F9: variants seen among roughly 807,000 people sequenced by gnomAD.
F9 encodes the protein Christmas factor.
In F9, 2 loss-of-function variants were observed where a neutral mutation model predicts 34.1. That is an observed-to-expected ratio of 0.06 (90% confidence interval 0.02 to 0.18). The LOEUF is 0.18. Among genes scored for constraint, F9 ranks in the 10% least tolerant of loss-of-function variants. The pLI, the probability that F9 is intolerant of heterozygous loss-of-function variation, is 1.00. For missense variants in F9, 216 were observed against 345.1 expected (o/e 0.63, Z 2.96); for synonymous variants, 137 against 118.8 (o/e 1.15, Z -1.00).
chrX:139,536,239 GTATATATATGTACACACATATATGTA>G (rs1245196543), intron 1 of F9, among the ~76,000 whole-genome samples: 6 of 90,631 alleles, frequency 6.6e-5, no homozygotes, highest in Non-Finnish European at 9.1e-5. Flanking sequence ...ACACATATAT[GTATATATATGTACACACATATATGTA>G]TATATATATG....
intron 3 of F9, 149 bp from the exon 4 acceptor site, chrX:139,540,927 C>A: frequency 2.7e-6 from 1 of 366,826 alleles, no homozygotes; most frequent in Non-Finnish European, 5.0e-6. Context: ...AAGACAGGAG[C>A]ATCATATGCC....
chrX:139,558,420 A>C (rs1295893463), intron 6 of F9, among the ~76,000 whole-genome samples: 1 of 113,506 alleles, frequency 8.8e-6, no homozygotes, highest in African/African-American at 3.2e-5. Context: ...GGGGATCCTA[A>C]GGACATGTGG....
At chrX:139,546,664 T>C (rs1381643516) in intron 4 of F9, among the ~76,000 whole-genome samples, 1 of 111,724 alleles carries the variant, frequency 9.0e-6, no homozygotes, top group Non-Finnish European at 1.9e-5. Context: ...CATACAAATA[T>C]CAATTGTATG....
rs183143418 is a variant in F9 at position 139,541,466 on chromosome X, G to A, written c.391+277G>A. ...TATGTGGTTAGTACTATCATTATGC[G>A]CATTCTATGCAGATGAGAAAACCGC... On this transcript the variant is annotated intron_variant, in intron 4 of 7. Transcript: ENST00000218099. Among the ~76,000 whole-genome samples the A allele has an allele frequency of 8.1e-5, 9 of 111,364 alleles. No homozygotes were observed. The East Asian group carries it at 8.5e-4, about 11-fold the overall frequency.
chrX:139,542,934 T>G (rs1927636132), intron 4 of F9, among the ~76,000 whole-genome samples: 1 of 111,459 alleles, frequency 9.0e-6, no homozygotes, highest in Non-Finnish European at 1.9e-5. Context: ...GATCAAGGTT[T>G]AGAAAAATAT....
chrX:139,555,538 C>T (rs763714785), intron 6 of F9, among the ~76,000 whole-genome samples: 2 of 112,685 alleles, frequency 1.8e-5, no homozygotes, highest in South Asian at 7.3e-4. Context: ...CGGGCCGGGC[C>T]AGCTTCTAAA....
At chrX:139,560,656 G>T (rs1928075525) in intron 6 of F9, 85 bp from the exon 7 acceptor site, 4 of 639,149 alleles carry the variant, frequency 6.3e-6, no homozygotes, top group Admixed American at 4.5e-5. Context: ...CCAATATTTT[G>T]CCTATTCCTG....
chrX:139,541,825 C>T (rs768382913), intron 4 of F9, among the ~76,000 whole-genome samples: 2 of 111,988 alleles, frequency 1.8e-5, no homozygotes, highest in East Asian at 5.6e-4. Flanking sequence ...ACCTTAGAAT[C>T]CTTGTGTACC....
At chrX:139,533,764 G>A (rs1257878315) in intron 1 of F9, among the ~76,000 whole-genome samples, 4 of 111,388 alleles carry the variant, frequency 3.6e-5, no homozygotes, top group Admixed American at 9.5e-5. Context: ...TGTATGCCCC[G>A]AGAAGTGAGG....
At position 139,541,102 on chromosome X, in the gene F9, T is replaced by C. The variant is rs1603264719; in HGVS notation, c.304T>C (p.Cys102Arg). 8.3e-7 allele frequency: 1 copy of C among 1,198,849 alleles called. No individual in the cohort carries two copies. ...TGGAGATCAGTGTGAGTCCAATCCA[T>C]GTTTAAATGGCGGCAGTTGCAAGGA... ...VDGDQCESNP[C>R]LNGGSCKDDI... is the part of the protein sequence containing the mutation. Residue 102 changes from cysteine to arginine, a missense_variant, in exon 4 of 8, where the codon TGT becomes CGT. Physicochemically the swap from Cys to Arg is radical, Grantham distance 180. This residue lies in a region of F9 where 177 missense variants were observed against 311.8 expected (regional missense o/e 0.57). Transcript: ENST00000218099.
intron 1 of F9, among the ~76,000 whole-genome samples, chrX:139,535,069 G>T (rs2148354709): frequency 9.0e-6 from 1 of 111,547 alleles, no homozygotes; most frequent in South Asian, 3.8e-4. Flanking sequence ...GTTGAAGAGA[G>T]GCCTGGCATG....
At chrX:139,534,510 T>G (rs760094042) in intron 1 of F9, among the ~76,000 whole-genome samples, 1 of 112,064 alleles carries the variant, frequency 8.9e-6, no homozygotes, top group African/African-American at 3.2e-5. Context: ...AGATCAAAAA[T>G]ATTCAAGAAA....
In F9 at chrX:139,561,570, T is replaced by C; in HGVS notation, c.885T>C (p.Asn295=). The change falls in exon 8 of 8, where the codon AAT becomes AAC. Residue 295 remains asparagine (N), a synonymous_variant. Coordinates refer to ENST00000218099, the MANE Select transcript of F9 (RefSeq NM_000133.4). The stretch of plus-strand genomic sequence containing the variant: ...CAGAACATACAGAGCAAAAGCGAAA[T>C]GTGATTCGAATTATTCCTCACCACA... ...EETEHTEQKR[N]VIRIIPHHNY... The C allele has an allele frequency of 1.7e-6, 2 of 1,208,034 alleles. No individual in the cohort carries two copies. Among genetic ancestry groups the C allele is most frequent in the African/African-American group, 3.5e-5 (2 of 57,795 alleles).
chrX:139,553,275 C>T (rs1009028887), intron 6 of F9, among the ~76,000 whole-genome samples: 2 of 111,903 alleles, frequency 1.8e-5, no homozygotes, highest in Non-Finnish European at 3.8e-5. Context: ...CTTTACTCTT[C>T]TTCACAACTC....
intron 6 of F9, among the ~76,000 whole-genome samples, chrX:139,552,589 A>G (rs1249717931): frequency 8.9e-6 from 1 of 112,236 alleles, no homozygotes; most frequent in Non-Finnish European, 1.9e-5. Context: ...CAATTAAGAG[A>G]AATTAAAAAT....
At chrX:139,541,252 G>C (rs1006574764) in intron 4 of F9, 63 bp downstream of exon 4, 1 of 769,299 alleles carries the variant, frequency 1.3e-6, no homozygotes, top group African/African-American at 2.1e-5. Context: ...GTTGAAACTG[G>C]AAAATGCAAT....
Position 139,553,030 on chromosome X carries a change from A to G in F9, c.723+1766A>G, listed in dbSNP as rs1011232814. 3.6e-5 allele frequency among the ~76,000 whole-genome samples: 4 copies of G among 112,300 alleles called. No individual in the cohort carries two copies. The East Asian group carries it at 1.1e-3, about 31-fold the overall frequency. ...TATACCTGGGGATGGGGTGGTAGGT[A>G]TAATTGCACAAGCATTGTGGAGAAT... On this transcript the variant is annotated intron_variant, in intron 6 of 7. Transcript: ENST00000218099.
At chrX:139,550,236 T>C (rs1015694947) in intron 5 of F9, among the ~76,000 whole-genome samples, 1 of 112,533 alleles carries the variant, frequency 8.9e-6, no homozygotes, top group African/African-American at 3.2e-5. Flanking sequence ...TGTACACTTA[T>C]ACATAAGTAT....
At chrX:139,545,781 G>A (rs1459095638) in intron 4 of F9, among the ~76,000 whole-genome samples, 1 of 110,944 alleles carries the variant, frequency 9.0e-6, no homozygotes, top group Non-Finnish European at 1.9e-5. Flanking sequence ...GGAATGCTTA[G>A]CACTAATGAC....
Sources: gnomAD v4.1 joint callset for allele counts (sites outside exome capture counted in the v4.1 genomes callset) on GRCh38, gnomAD v4.1.1 for gene constraint, gnomAD v4.1.1 regional missense constraint, MANE v1.5 for transcripts, NCBI Gene and HGNC (gene_info 2026-07-23, HGNC 2026-07-21) for gene names.